PDE3A: variants seen among roughly 807,000 people sequenced by gnomAD.
PDE3A encodes the protein cGMP-inhibited 3',5'-cyclic phosphodiesterase 3A.
PDE3A carries 43 observed loss-of-function variants against 98.3 expected under a neutral mutation model. That is an observed-to-expected ratio of 0.44 (90% CI 0.34 to 0.56). PDE3A has a LOEUF of 0.56. Ranked by LOEUF, PDE3A falls within the 20% of genes least tolerant of loss-of-function variation. PDE3A has a pLI of 0.01. For synonymous variants in PDE3A, 663 were observed against 567.9 expected (o/e 1.17, Z -2.38); for missense variants, 1,427 against 1,440.7 (o/e 0.99, Z 0.15).
At chr12:20,646,650 G>GGGTGTT (rs755184131) in intron 11 of PDE3A, 47 bp downstream of exon 11, 2 of 1,399,548 alleles carry the variant, frequency 1.4e-6, no homozygotes, top group South Asian at 2.3e-5. Context: ...ATGGGAACAA[G>GGGTGTT]GGTGTTTTTG....
intron 1 of PDE3A, among the ~76,000 whole-genome samples, chr12:20,556,168 CTA>C (rs1164087798): frequency 1.3e-5 from 2 of 152,094 alleles, no homozygotes; most frequent in Non-Finnish European, 2.9e-5. Flanking sequence ...CGTTTTGTGA[CTA>C]TGTGGGCATA....
At chr12:20,398,977 T>C (rs1199020439) in intron 1 of PDE3A, among the ~76,000 whole-genome samples, 3 of 152,122 alleles carry the variant, frequency 2.0e-5, no homozygotes, top group Non-Finnish European at 4.4e-5. Context: ...CAACTTCCCA[T>C]TCCCTCTTCC....
At chr12:20,660,616 C>T (rs1945144436) in intron 15 of PDE3A, among the ~76,000 whole-genome samples, 1 of 152,238 alleles carries the variant, frequency 6.6e-6, no homozygotes, top group Middle Eastern at 3.4e-3. Flanking sequence ...ATGCTGTTCT[C>T]GTGATAGTGA....
chr12:20,505,850 A>C (rs1946106798), intron 1 of PDE3A, among the ~76,000 whole-genome samples: 1 of 152,000 alleles, frequency 6.6e-6, no homozygotes, highest in Admixed American at 6.6e-5. Flanking sequence ...TGTATATGGC[A>C]GCATGGAGCT....
At chr12:20,645,293 G>C (rs1322234253) in intron 10 of PDE3A, among the ~76,000 whole-genome samples, 1 of 152,052 alleles carries the variant, frequency 6.6e-6, no homozygotes. Flanking sequence ...GCTGCATATT[G>C]TCACTTAAAG....
At chr12:20,583,470 G>T (rs4614506) in intron 2 of PDE3A, among the ~76,000 whole-genome samples, 118,811 of 151,926 alleles carry the variant, frequency 0.78, 46,572 homozygotes, top group Admixed American at 0.84. Context: ...TAAGAATAGC[G>T]TTAAACTGGA....
At chr12:20,419,682 T>C in intron 1 of PDE3A, among the ~76,000 whole-genome samples, 1 of 151,832 alleles carries the variant, frequency 6.6e-6, no homozygotes, top group Non-Finnish European at 1.5e-5. Context: ...TGCATTTACT[T>C]AATAAATAAT....
intron 1 of PDE3A, among the ~76,000 whole-genome samples, chr12:20,534,626 C>A (rs889174343): frequency 2.0e-5 from 3 of 152,176 alleles, no homozygotes; most frequent in African/African-American, 7.2e-5. Context: ...TTGGCAACCA[C>A]TCTAGACCTT....
At chr12:20,377,878 T>G (rs539410565) in intron 1 of PDE3A, among the ~76,000 whole-genome samples, 3 of 151,758 alleles carry the variant, frequency 2.0e-5, no homozygotes, top group Non-Finnish European at 4.4e-5. Flanking sequence ...AGGGATTGCT[T>G]ATGGATACAC....
chr12:20,660,788 T>C (rs1407090920), intron 15 of PDE3A, among the ~76,000 whole-genome samples: 2 of 152,186 alleles, frequency 1.3e-5, no homozygotes, highest in African/African-American at 4.8e-5. Flanking sequence ...GAGTGCTCAA[T>C]TAAACCTCTT....
At chr12:20,512,235 T>C (rs1211055035) in intron 1 of PDE3A, among the ~76,000 whole-genome samples, 1 of 151,986 alleles carries the variant, frequency 6.6e-6, no homozygotes, top group African/African-American at 2.4e-5. Context: ...AAAATGTTAA[T>C]AACAGAAAAG....
In PDE3A at chr12:20,680,357, G is replaced by T; in HGVS notation, c.*86G>T. On this transcript the variant is annotated 3_prime_UTR_variant, in exon 16 of 16. Coordinates refer to ENST00000359062, the MANE Select transcript of PDE3A (RefSeq NM_000921.5). ...CAGCACAACATTTAGACACAACACT[G>T]TAGAAATTTGAGATGGGCAAATGGC... 7.3e-7 allele frequency: 1 copy of T among 1,367,338 alleles called. No homozygotes were observed. The highest frequency in any genetic ancestry group is 1.0e-6 in the Non-Finnish European group (1 of 1,002,280). 84.7% of individuals were successfully genotyped at this position (1,367,338 alleles called of 1,614,324 possible).
intron 2 of PDE3A, among the ~76,000 whole-genome samples, chr12:20,588,524 ACCTGAAGGG>A (rs1446623172): frequency 6.6e-6 from 1 of 152,066 alleles, no homozygotes; most frequent in African/African-American, 2.4e-5. Flanking sequence ...ATTCAGGGGG[ACCTGAAGGG>A]TCTAGCATGG....
chr12:20,605,123 T>C (rs2121422338), intron 2 of PDE3A, among the ~76,000 whole-genome samples: 1 of 152,340 alleles, frequency 6.6e-6, no homozygotes. Context: ...ATTCCATTTT[T>C]CTGCAGGTGT....
rs1024263651 is a variant in PDE3A, at chr12:20,683,072, C to A, written c.*2801C>A. On this transcript the variant is annotated 3_prime_UTR_variant, in exon 16 of 16. Coordinates refer to ENST00000359062, the MANE Select transcript of PDE3A (RefSeq NM_000921.5). The stretch of plus-strand genomic sequence containing the variant: ...ATCTTCATTCCAGAACTGTGTTCAG[C>A]AATCCAGGCAGATTGATACATTTTT... 16 of 152,168 alleles carry A rather than the reference C, an allele frequency of 1.1e-4. No homozygotes were observed. The highest frequency in any genetic ancestry group is 3.9e-4 in the African/African-American group (16 of 41,440). The allele number at this position is 152,168 out of a possible 1,614,324, so 9.4% of individuals were successfully genotyped here.
rs927173527 is a variant in PDE3A, at chr12:20,637,024, T to C, written c.2002-76T>C. The C allele has an allele frequency of 3.8e-5, 37 of 962,592 alleles. No homozygotes were observed. In the Middle Eastern group the frequency reaches 7.8e-4, roughly 20 times the overall value. The allele number at this position is 962,592 out of a possible 1,614,324, so 59.6% of individuals were successfully genotyped here. A position where few individuals can be genotyped will look rare whatever the true frequency, so the allele number is the denominator to read the frequency against. ...TTATTTCCGATAGCCACAGTTGTTA[T>C]TGAATTTAGCAAAGCACAAATTGCC... On this transcript the variant is annotated intron_variant, in intron 8 of 15. Coordinates refer to ENST00000359062, the MANE Select transcript of PDE3A (RefSeq NM_000921.5).
At chr12:20,451,976 G>T (rs1445338396) in intron 1 of PDE3A, among the ~76,000 whole-genome samples, 1 of 152,136 alleles carries the variant, frequency 6.6e-6, no homozygotes, top group Non-Finnish European at 1.5e-5. Context: ...CATCTGATCA[G>T]TCTGCCTTGC....
intron 1 of PDE3A, among the ~76,000 whole-genome samples, chr12:20,469,077 A>G (rs1945392453): frequency 6.6e-6 from 1 of 152,166 alleles, no homozygotes; most frequent in Non-Finnish European, 1.5e-5. Flanking sequence ...ATGCTTGAGA[A>G]TTACTAAACA....
chr12:20,519,187 ACTT>A (rs2121143929), intron 1 of PDE3A, among the ~76,000 whole-genome samples: 1 of 152,228 alleles, frequency 6.6e-6, no homozygotes, highest in East Asian at 1.9e-4. Context: ...TATTCTCTCT[ACTT>A]ATATTTTGAA....
Sources: allele counts gnomAD v4.1 joint callset (sites outside exome capture counted in the v4.1 genomes callset), GRCh38; gene constraint gnomAD v4.1.1; transcripts MANE v1.5; gene names NCBI Gene and HGNC (gene_info 2026-07-23, HGNC 2026-07-21).